DDX24: variants seen among roughly 807,000 people sequenced by gnomAD.
DDX24 encodes the protein ATP-dependent RNA helicase DDX24.
DDX24 carries 24 observed loss-of-function variants against 68.9 expected under a neutral mutation model. The observed-to-expected ratio is 0.35, with a 90% CI of 0.25 to 0.49. The LOEUF (loss-of-function observed/expected upper bound fraction) is 0.49, where lower values mean the gene tolerates loss of function less well. Ranked by LOEUF, DDX24 falls within the 20% of genes least tolerant of loss-of-function variation. DDX24 has a pLI of 0.99. For synonymous variants in DDX24, 395 were observed against 385.2 expected, an observed-to-expected ratio of 1.03 and a Z score of -0.30; for missense variants, 989 against 1,039.0, an observed-to-expected ratio of 0.95 and a Z score of 0.66.
intron 2 of DDX24, among the ~76,000 whole-genome samples, chr14:94,062,880 AC>A (rs1434891765): frequency 1.1e-4 from 16 of 152,216 alleles, no homozygotes; most frequent in African/African-American, 3.9e-4. Context: ...AAGAAATGAA[AC>A]AATAAAGAGA....
chr14:94,064,743 A>T (rs1394266896), intron 2 of DDX24, among the ~76,000 whole-genome samples: 1 of 152,222 alleles, frequency 6.6e-6, no homozygotes, highest in Admixed American at 6.5e-5. Context: ...TGTTAAATAC[A>T]AGTAAAGTGT....
At chr14:94,078,482 A>T (rs569738485) in intron 2 of DDX24, among the ~76,000 whole-genome samples, 8 of 152,326 alleles carry the variant, frequency 5.3e-5, no homozygotes, top group Admixed American at 6.5e-5. Context: ...TCTGTTTACA[A>T]AATCCACCCA....
chr14:94,062,677 T>C (rs993593603), intron 2 of DDX24, 56 bp from the exon 3 acceptor site: 8 of 1,532,664 alleles, frequency 5.2e-6, no homozygotes, highest in South Asian at 1.3e-5. Context: ...CAGATGAACA[T>C]ACTTTAGTCT....
rs377305110 is a variant in DDX24 at position 94,060,966 on chromosome 14, C to T, written c.1344G>A (p.Leu448=). The T allele has an allele frequency of 3.1e-6, 5 of 1,614,138 alleles. No individual in the cohort carries two copies. Among genetic ancestry groups the T allele is most frequent in the Admixed American group, 3.3e-5 (2 of 60,012 alleles). The stretch of plus-strand genomic sequence containing the variant: ...AATGCTTTTCTTTAATTAATTCCCA[C>T]AGCCGGCCTGGAGTAGCAACCACAA... ...PEIVVATPGR[L]WELIKEKHYH... Residue 448 remains leucine (L), a synonymous_variant, in exon 4 of 9, where the codon CTG becomes CTA. Transcript: ENST00000621632.
chr14:94,078,891 T>C (rs1034060911), intron 2 of DDX24, 134 bp downstream of exon 2: 1 of 1,000,384 alleles, frequency 1.0e-6, no homozygotes, highest in African/African-American at 1.6e-5. Context: ...AGGGGCTGAC[T>C]TCTAAACACC....
At chr14:94,070,489 C>T (rs1414333189) in intron 2 of DDX24, among the ~76,000 whole-genome samples, 1 of 152,152 alleles carries the variant, frequency 6.6e-6, no homozygotes, top group East Asian at 1.9e-4. Flanking sequence ...CATCATTCTT[C>T]ACAGAATTAG....
intron 2 of DDX24, among the ~76,000 whole-genome samples, chr14:94,072,730 G>A (rs1885857551): frequency 6.6e-6 from 1 of 152,190 alleles, no homozygotes. Flanking sequence ...TTGGGAGGCT[G>A]AGGAAGGAGG....
In DDX24 at chr14:94,058,001, T is replaced by G. The variant is rs576628665; in HGVS notation, c.1914-104A>C. ...TAAACATTACAGTCCTTACCAATAC[T>G]CTGTAAGATATCACTTGTATACCCT... On this transcript the variant is annotated intron_variant, in intron 5 of 8. Coordinates refer to ENST00000621632, the MANE Select transcript of DDX24 (RefSeq NM_020414.4). 64 of 1,038,304 alleles carry G rather than the reference T, an allele frequency of 6.2e-5. No individual in the cohort carries two copies. The South Asian group carries it at 8.0e-4, about 13-fold the overall frequency. 64.3% of individuals were successfully genotyped at this position (1,038,304 alleles called of 1,614,324 possible). A position where few individuals can be genotyped will look rare whatever the true frequency, so the allele number is the denominator to read the frequency against.
At chr14:94,062,843 G>A (rs1322884220) in intron 2 of DDX24, among the ~76,000 whole-genome samples, 1 of 151,810 alleles carries the variant, frequency 6.6e-6, no homozygotes, top group Non-Finnish European at 1.5e-5. Context: ...GAGGTCTTAG[G>A]TCACCAGTAA....
intron 1 of DDX24, among the ~76,000 whole-genome samples, chr14:94,080,565 A>T (rs1368447426): frequency 2.6e-5 from 4 of 152,176 alleles, no homozygotes; most frequent in Non-Finnish European, 5.9e-5. Context: ...AAAAACGAGG[A>T]CATCTGTCCC....
intron 6 of DDX24, 29 bp downstream of exon 6, chr14:94,057,793 G>A: frequency 6.2e-7 from 1 of 1,608,798 alleles, no homozygotes; most frequent in Non-Finnish European, 8.5e-7. Context: ...AGTGCAGGCA[G>A]ATGCCTATAA....
At chr14:94,075,548 T>C (rs922031360) in intron 2 of DDX24, among the ~76,000 whole-genome samples, 5 of 152,200 alleles carry the variant, frequency 3.3e-5, no homozygotes, top group African/African-American at 1.2e-4. Context: ...CTATTAACAC[T>C]TCTAGAACAA....
chr14:94,067,793 T>C (rs188851377), intron 2 of DDX24, among the ~76,000 whole-genome samples: 1 of 145,078 alleles, frequency 6.9e-6, no homozygotes, highest in East Asian at 2.1e-4. Context: ...GTAGAGACAA[T>C]TTGCCATTAC....
chr14:94,054,857 T>C, intron 7 of DDX24, 139 bp downstream of exon 7: 1 of 1,013,186 alleles, frequency 9.9e-7, no homozygotes, highest in Non-Finnish European at 1.5e-6. Flanking sequence ...CAATCCTTTC[T>C]ACAAGTCTCC....
chr14:94,076,100 CT>C (rs1384838731), intron 2 of DDX24, among the ~76,000 whole-genome samples: 13 of 152,254 alleles, frequency 8.5e-5, no homozygotes, highest in African/African-American at 2.9e-4. Context: ...CATTCCACAC[CT>C]AGGTATTTAT....
chr14:94,061,390 TG>T (rs2141426449), intron 3 of DDX24, among the ~76,000 whole-genome samples: 1 of 152,264 alleles, frequency 6.6e-6, no homozygotes, highest in East Asian at 1.9e-4. Flanking sequence ...ACCATAATGC[TG>T]GGAGGAATAT....
At position 94,060,426 on chromosome 14, in the gene DDX24, T is replaced by C. The variant is rs1885571330; in HGVS notation, c.1585A>G (p.Met529Val). 2.5e-6 allele frequency: 4 copies of C among 1,614,170 alleles called. No individual in the cohort carries two copies. The highest frequency in any genetic ancestry group is 3.4e-6 in the Non-Finnish European group (4 of 1,180,024). ...AGGTCAAGTTTGGCTGTTTTATCCA[T>C]TTTCTTGGTGTGCTTCTTATGAAGG... is the stretch of plus-strand genomic sequence containing the variant. ...RILHKKHTKK[M>V]DKTAKLDLLM... The change falls in exon 5 of 9, where the codon ATG becomes GTG. Residue 529 changes from methionine (M) to valine (V), a missense_variant. Physicochemically the swap from Met to Val is conservative, Grantham distance 21 (BLOSUM62 1). Around this residue, in one of 3 missense-constraint regions of DDX24, gnomAD observed 691 missense variants for 760.0 expected, o/e 0.91. Coordinates refer to ENST00000621632, the MANE Select transcript of DDX24 (RefSeq NM_020414.4).
At chr14:94,063,688 G>A (rs1350095074) in intron 2 of DDX24, among the ~76,000 whole-genome samples, 2 of 152,176 alleles carry the variant, frequency 1.3e-5, no homozygotes, top group East Asian at 1.9e-4. Flanking sequence ...CAACACTTGG[G>A]GAGGTCTAGG....
chr14:94,080,127 G>A (rs553235381), intron 1 of DDX24, among the ~76,000 whole-genome samples: 2 of 152,316 alleles, frequency 1.3e-5, no homozygotes, highest in South Asian at 4.1e-4. Context: ...AGAAAATTAT[G>A]TAAAGCACGG....
Sources: gnomAD v4.1 joint callset for allele counts (sites outside exome capture counted in the v4.1 genomes callset) on GRCh38, gnomAD v4.1.1 for gene constraint, gnomAD v4.1.1 regional missense constraint, MANE v1.5 for transcripts, NCBI Gene and HGNC (gene_info 2026-07-23, HGNC 2026-07-21) for gene names.